The following DRC4 variants were observed in gnomAD, a reference collection of about 807,000 sequenced individuals.
The protein encoded by DRC4 is GAS-11.
At chr16:90,044,315 T>C in the DRC4 span, 1 of 424,156 alleles carries the variant, frequency 2.4e-6, no homozygotes, top group Non-Finnish European at 4.7e-6. Flanking sequence ...GACGGGTGTG[T>C]CCTCGTAGAG....
At chr16:90,039,974 G>T in the DRC4 span, 1 of 380,436 alleles carries the variant, frequency 2.6e-6, no homozygotes, top group Non-Finnish European at 5.1e-6. Flanking sequence ...CCTCACTCGG[G>T]CAAGACTGGC....
the DRC4 span, chr16:90,036,929 T>G: frequency 1.8e-6 from 1 of 550,474 alleles, no homozygotes; most frequent in Non-Finnish European, 3.3e-6. Context: ...GACAGGTGGA[T>G]AGGTGTCATC....
the DRC4 span, chr16:90,044,558 C>CG: frequency 2.1e-6 from 1 of 471,212 alleles, no homozygotes; most frequent in Non-Finnish European, 4.4e-6. Context: ...CCCTCAGTGT[C>CG]GAAGGTGAGC....
chr16:90,043,108 C>A, the DRC4 span: 2 of 1,431,474 alleles, frequency 1.4e-6, no homozygotes, highest in Non-Finnish European at 1.9e-6. Flanking sequence ...CCGTGATGCT[C>A]ACGCTGCCCC....
the DRC4 span, among the ~76,000 whole-genome samples, chr16:90,033,552 G>C: frequency 6.6e-6 from 1 of 152,186 alleles, no homozygotes; most frequent in African/African-American, 2.4e-5. Flanking sequence ...GATAGTTTCA[G>C]CTACTTGGGA....
chr16:90,025,305 C>T, the DRC4 span, among the ~76,000 whole-genome samples: 5 of 151,206 alleles, frequency 3.3e-5, no homozygotes, highest in Non-Finnish European at 4.4e-5. Context: ...AGGTGTGAGC[C>T]ACTGTGCCTG....
At chr16:90,021,068 A>G in the DRC4 span, among the ~76,000 whole-genome samples, 1 of 152,228 alleles carries the variant, frequency 6.6e-6, no homozygotes, top group African/African-American at 2.4e-5. Context: ...GCCAGACTTC[A>G]CAGAGGCCTC....
At chr16:90,033,908 G>A in the DRC4 span, among the ~76,000 whole-genome samples, 1 of 151,000 alleles carries the variant, frequency 6.6e-6, no homozygotes, top group Non-Finnish European at 1.5e-5. Context: ...GAGACGGGAT[G>A]GGCCAGTGGG....
chr16:90,040,440 G>A, the DRC4 span: 1 of 1,611,704 alleles, frequency 6.2e-7, no homozygotes, highest in Admixed American at 1.7e-5. Context: ...AGGAGGTGCA[G>A]TTCAACGAGG....
At chr16:90,022,865 T>C in the DRC4 span, 73 of 850,048 alleles carry the variant, frequency 8.6e-5, no homozygotes, top group African/African-American at 1.2e-3. Context: ...GGTGCTCTTG[T>C]GGGGGTCTCC....
the DRC4 span, chr16:90,022,652 G>T: frequency 7.1e-7 from 1 of 1,404,842 alleles, no homozygotes; most frequent in African/African-American, 1.5e-5. Context: ...GCGGTTGCCG[G>T]GAAACGGCGT....
At chr16:90,023,683 A>G in the DRC4 span, among the ~76,000 whole-genome samples, 81,261 of 147,194 alleles carry the variant, frequency 0.55, 24,371 homozygotes, top group East Asian at 0.98. Context: ...AAAACCGACT[A>G]TGAAAGAAAC....
At chr16:90,027,744 C>G in the DRC4 span, 1 of 1,613,046 alleles carries the variant, frequency 6.2e-7, no homozygotes, top group South Asian at 1.1e-5. Context: ...GGGCTGTGGC[C>G]CAGTCCCCGG....
chr16:90,027,833 C>G, the DRC4 span: 1 of 957,386 alleles, frequency 1.0e-6, no homozygotes, highest in Non-Finnish European at 1.6e-6. Context: ...TCTGTCCAAG[C>G]CAGAACACGC....
chr16:90,031,445 C>G, the DRC4 span: 23 of 1,605,464 alleles, frequency 1.4e-5, no homozygotes, highest in Non-Finnish European at 1.6e-5. Context: ...AGCTGCGGAA[C>G]AAAGACCGGG....
At chr16:90,031,032 T>G in the DRC4 span, 6 of 633,688 alleles carry the variant, frequency 9.5e-6, no homozygotes, top group African/African-American at 1.1e-4. Flanking sequence ...TTTGAGAAAT[T>G]TTTTAGGCAT....
chr16:90,035,583 G>C, the DRC4 span: 2 of 1,611,806 alleles, frequency 1.2e-6, no homozygotes, highest in Non-Finnish European at 1.7e-6. Flanking sequence ...AAGGGAGCGG[G>C]CTTCCCTCTG....
the DRC4 span, chr16:90,033,069 A>AT: frequency 1.2e-6 from 1 of 842,906 alleles, no homozygotes; most frequent in Admixed American, 2.7e-5. Flanking sequence ...GTTGAAAAAA[A>AT]ATTTTTTAAA....
At chr16:90,022,649 C>T in the DRC4 span, 1 of 1,398,172 alleles carries the variant, frequency 7.2e-7, no homozygotes, top group African/African-American at 1.5e-5. Context: ...CCAGCGGTTG[C>T]CGGGAAACGG....
Sources: allele counts gnomAD v4.1 joint callset (sites outside exome capture counted in the v4.1 genomes callset), GRCh38; gene constraint gnomAD v4.1.1; transcripts MANE v1.5; gene names NCBI Gene and HGNC (gene_info 2026-07-23, HGNC 2026-07-21).